The following ACVR1 variants were observed in gnomAD, a reference collection of about 807,000 sequenced individuals.
ACVR1 encodes activin A receptor type 1.
In ACVR1, 38 loss-of-function variants were observed where a neutral mutation model predicts 57.1. That is an observed-to-expected ratio of 0.67 (90% CI 0.51 to 0.87). ACVR1 has a LOEUF of 0.87. Ranked by LOEUF, ACVR1 falls within the 40% of genes least tolerant of loss-of-function variation. The probability of loss-of-function intolerance (pLI) is 0.00; values close to 1 mark genes in which losing one functional copy is unlikely to be tolerated. For missense variants in ACVR1, 463 were observed against 638.2 expected (o/e 0.73, Z 2.96); for synonymous variants, 212 against 228.1 (o/e 0.93, Z 0.63).
intron 1 of ACVR1, among the ~76,000 whole-genome samples, chr2:157,846,626 C>A (rs1039880751): frequency 6.6e-6 from 1 of 152,192 alleles, no homozygotes. Context: ...CTCACACCAC[C>A]ACCTTGTTCC....
intron 7 of ACVR1, among the ~76,000 whole-genome samples, chr2:157,768,759 C>T (rs1477516390): frequency 1.3e-5 from 2 of 152,064 alleles, no homozygotes; most frequent in African/African-American, 2.4e-5. Context: ...ATGTAATTTC[C>T]ACCTCCACTA....
Position 157,736,915 on chromosome 2 carries a change from C to A in ACVR1, c.*616G>T. 3.2e-6 allele frequency: 1 copy of A among 315,016 alleles called. No individual in the cohort carries two copies. Among genetic ancestry groups the A allele is most frequent in the Non-Finnish European group, 5.8e-6 (1 of 171,128 alleles). 19.5% of individuals were successfully genotyped at this position (315,016 alleles called of 1,614,324 possible). A position where few individuals can be genotyped will look rare whatever the true frequency, so the allele number is the denominator to read the frequency against. On this transcript the variant is annotated 3_prime_UTR_variant, in exon 11 of 11. Coordinates refer to ENST00000434821, the MANE Select transcript of ACVR1 (RefSeq NM_001111067.4). ...TTGCAAAGTTGTGTATAAACAATTC[C>A]TAATGTTCGGCATCATTGTAAACAT... is the stretch of plus-strand genomic sequence containing the variant.
intron 1 of ACVR1, among the ~76,000 whole-genome samples, chr2:157,847,956 G>C (rs1453841247): frequency 2.0e-5 from 3 of 152,148 alleles, no homozygotes. Flanking sequence ...AAATACCAGA[G>C]CTGCATTCTT....
chr2:157,742,584 AG>A (rs1446765153), intron 9 of ACVR1, among the ~76,000 whole-genome samples: 1 of 152,082 alleles, frequency 6.6e-6, no homozygotes, highest in Non-Finnish European at 1.5e-5. Flanking sequence ...TTTTGGGGTA[AG>A]CCTATCTTTA....
chr2:157,851,235 G>C (rs1400725543), intron 1 of ACVR1, among the ~76,000 whole-genome samples: 1 of 152,130 alleles, frequency 6.6e-6, no homozygotes, highest in Admixed American at 6.5e-5. Context: ...CAGACAAGGA[G>C]AGGTTGAGGA....
At chr2:157,798,929 C>T (rs1687220896) in intron 3 of ACVR1, among the ~76,000 whole-genome samples, 1 of 152,010 alleles carries the variant, frequency 6.6e-6, no homozygotes, top group Admixed American at 6.6e-5. Flanking sequence ...CAGAGTCTCG[C>T]TCTGTTGCCC....
chr2:157,803,348 C>T (rs778250152), intron 2 of ACVR1, among the ~76,000 whole-genome samples: 2 of 151,990 alleles, frequency 1.3e-5, no homozygotes, highest in Non-Finnish European at 2.9e-5. Context: ...CAAAATCTGC[C>T]AAAAATCTTT....
chr2:157,799,476 C>T lies in ACVR1; in HGVS notation c.18G>A (p.Met6Ile). 6.2e-7 allele frequency: 1 copy of T among 1,611,412 alleles called. No homozygotes were observed. The highest frequency in any genetic ancestry group is 8.5e-7 in the Non-Finnish European group (1 of 1,178,150). The change falls in exon 3 of 11, where the codon ATG (methionine) becomes ATA (isoleucine). Residue 6 changes from methionine to isoleucine, a missense_variant. Met to Ile is a conservative substitution (Grantham distance 10). Transcript: ENST00000434821. ...CAATCATGATAAGCACAGGAAGAAT[C>T]ATCACTCCATCTACCATTGTACAAC... MVDGVMILPVLIMIAL... is the reference protein window; with the variant it reads MVDGVIILPVLIMIAL...
chr2:157,747,256 A>G (rs982837128), intron 9 of ACVR1, among the ~76,000 whole-genome samples: 1 of 152,212 alleles, frequency 6.6e-6, no homozygotes, highest in Non-Finnish European at 1.5e-5. Context: ...GATATTGTAA[A>G]TTAGTACAGC....
Position 157,766,189 on chromosome 2 carries a change from A to C in ACVR1, c.798T>G (p.Ile266Met). The C allele has an allele frequency of 6.2e-7, 1 of 1,614,140 alleles. No individual in the cohort carries two copies. Among genetic ancestry groups the C allele is most frequent in the South Asian group, 1.1e-5 (1 of 91,078 alleles). Residue 266 changes from isoleucine (I) to methionine (M), a missense_variant, in exon 8 of 11, where the codon ATT becomes ATG. Physicochemically the swap from Ile to Met is conservative, Grantham distance 10. This residue lies in a region of ACVR1 where 114 missense variants were observed against 216.2 expected (regional missense o/e 0.53). Coordinates refer to ENST00000434821, the MANE Select transcript of ACVR1 (RefSeq NM_001111067.4). Reference protein sequence around the residue: ...MLRHENILGFIASDMTSRHSS... With the variant: ...MLRHENILGFMASDMTSRHSS... The stretch of plus-strand genomic sequence containing the variant: ...AGTGTCTTGATGTCATGTCTGAAGC[A>C]ATGAAACCTGGAGAGAGCAAGAAAA...
At chr2:157,848,517 G>T (rs983452382) in intron 1 of ACVR1, among the ~76,000 whole-genome samples, 1 of 152,190 alleles carries the variant, frequency 6.6e-6, no homozygotes, top group Non-Finnish European at 1.5e-5. Context: ...TGAGGCCCCA[G>T]ACATTGTGGA....
At chr2:157,818,715 A>C (rs1182790115) in intron 1 of ACVR1, among the ~76,000 whole-genome samples, 156 bp from the exon 2 acceptor site, 1 of 152,234 alleles carries the variant, frequency 6.6e-6, no homozygotes, top group Non-Finnish European at 1.5e-5. Context: ...AAAAGTTTGA[A>C]AACACTGATA....
At chr2:157,780,636 A>C (rs548371348) in intron 3 of ACVR1, 36 bp from the exon 4 acceptor site, 5 of 1,610,566 alleles carry the variant, frequency 3.1e-6, no homozygotes, top group Non-Finnish European at 4.2e-6. Flanking sequence ...AAAAAAAAAA[A>C]AAGAGGAATT....
chr2:157,855,319 T>TACACAC lies in ACVR1; in HGVS notation c.-183+20476_-183+20477insGTGTGT, dbSNP rs775743957. ...GTGTGTGTGTGTGTGTATATATATA[T>TACACAC]ATATACACACACACACACACACACA... On this transcript the variant is annotated intron_variant, in intron 1 of 10. Coordinates refer to ENST00000434821, the MANE Select transcript of ACVR1 (RefSeq NM_001111067.4). 3.9e-4 allele frequency among the ~76,000 whole-genome samples: 39 copies of TACACAC among 99,198 alleles called. 1 individual carries two copies. The highest frequency in any genetic ancestry group is 2.9e-3 in the South Asian group (7 of 2,374). The allele number at this position is 99,198 out of a possible 152,430, so 65.1% of individuals were successfully genotyped here.
At chr2:157,845,335 G>A (rs1283754246) in intron 1 of ACVR1, among the ~76,000 whole-genome samples, 2 of 152,172 alleles carry the variant, frequency 1.3e-5, no homozygotes, top group African/African-American at 4.8e-5. Context: ...CCTGGATTCT[G>A]TAGGTGGTAC....
At chr2:157,862,147 A>C (rs1245208707) in intron 1 of ACVR1, among the ~76,000 whole-genome samples, 1 of 152,206 alleles carries the variant, frequency 6.6e-6, no homozygotes, top group Non-Finnish European at 1.5e-5. Flanking sequence ...GCTAAACTTT[A>C]GGATTATTTC....
intron 3 of ACVR1, among the ~76,000 whole-genome samples, chr2:157,785,696 T>C (rs1686688849): frequency 6.6e-6 from 1 of 152,160 alleles, no homozygotes; most frequent in Non-Finnish European, 1.5e-5. Flanking sequence ...CTAGTTGTTG[T>C]AAAGCCAAGA....
rs182582686 is a variant in ACVR1 at position 157,816,544 on chromosome 2, C to T, written c.-8+1841G>A. 5.3e-5 allele frequency among the ~76,000 whole-genome samples: 8 copies of T among 152,116 alleles called. 1 individual carries two copies. The highest frequency in any genetic ancestry group is 1.9e-4 in the African/African-American group (8 of 41,506). On this transcript the variant is annotated intron_variant, in intron 2 of 10. Coordinates refer to ENST00000434821, the MANE Select transcript of ACVR1 (RefSeq NM_001111067.4). ...CCCAGGAGTTTGAGGCTGCAGCGTG[C>T]CATGATTGCATCACTGCTCTCCAGC...
At chr2:157,743,859 C>A (rs1684867162) in intron 9 of ACVR1, among the ~76,000 whole-genome samples, 1 of 151,982 alleles carries the variant, frequency 6.6e-6, no homozygotes, top group South Asian at 2.1e-4. Flanking sequence ...AAACTGTGGA[C>A]CTGGCTATGC....
Sources: allele counts gnomAD v4.1 joint callset (sites outside exome capture counted in the v4.1 genomes callset), GRCh38; gene constraint gnomAD v4.1.1; regional missense constraint gnomAD v4.1.1; transcripts MANE v1.5; gene names NCBI Gene and HGNC (gene_info 2026-07-23, HGNC 2026-07-21).